Variants in CNBD1 observed in about 807,000 individuals in gnomAD.
CNBD1 encodes cyclic nucleotide-binding domain-containing protein 1.
Under a neutral mutation model 54.4 loss-of-function variants are expected in CNBD1, and 71 were observed. The ratio of observed to expected loss-of-function variants is 1.30; its 90% CI spans 1.08 to 1.59. The LOEUF (loss-of-function observed/expected upper bound fraction) is 1.59. CNBD1 is among the 40% of genes most tolerant of loss of function. The probability of loss-of-function intolerance (pLI) is 0.00; values close to 1 mark genes in which losing one functional copy is unlikely to be tolerated. For missense variants in CNBD1, 659 were observed against 518.0 expected, an observed-to-expected ratio of 1.27 and a Z score of -2.64; for synonymous variants, 182 against 170.7, an observed-to-expected ratio of 1.07 and a Z score of -0.51.
At chr8:86,889,664 A>G (rs1250502082) in intron 2 of CNBD1, among the ~76,000 whole-genome samples, 2 of 152,106 alleles carry the variant, frequency 1.3e-5, no homozygotes, top group Non-Finnish European at 2.9e-5. Context: ...TAAAAAATTA[A>G]TAACAAAGGG....
At chr8:86,982,084 A>G (rs190839758) in intron 4 of CNBD1, among the ~76,000 whole-genome samples, 146 of 152,318 alleles carry the variant, frequency 9.6e-4, no homozygotes, top group Admixed American at 3.4e-3. Flanking sequence ...TTGCCAGTCC[A>G]TTAAATTTTA....
Position 87,130,151 on chromosome 8 carries a change from G to C in CNBD1, c.432-75842G>C, listed in dbSNP as rs549894138. ...ACATGGGAATTCAAGATGAGATTTG[G>C]TGGGGACACAGCCAAACCATATCAG... On this transcript the variant is annotated intron_variant, in intron 4 of 10. Transcript: ENST00000518476. Among the ~76,000 whole-genome samples the C allele has an allele frequency of 2.8e-3, 420 of 152,188 alleles. 1 individual carries two copies. Among genetic ancestry groups the C allele is most frequent in the African/African-American group, 9.8e-3 (406 of 41,526 alleles).
intron 6 of CNBD1, among the ~76,000 whole-genome samples, chr8:87,268,426 TC>T (rs1051620382): frequency 2.6e-5 from 4 of 152,100 alleles, no homozygotes; most frequent in Non-Finnish European, 5.9e-5. Context: ...AGTACATGTG[TC>T]TTTTTGGTAG....
chr8:86,963,067 C>G (rs923196844), intron 4 of CNBD1, among the ~76,000 whole-genome samples: 1 of 152,162 alleles, frequency 6.6e-6, no homozygotes, highest in Non-Finnish European at 1.5e-5. Flanking sequence ...TTGTTCCTCT[C>G]TCTTCCTAGC....
chr8:87,280,534 G>A (rs28628615), intron 6 of CNBD1, among the ~76,000 whole-genome samples: 5,371 of 151,538 alleles, frequency 0.035, 134 homozygotes, highest in Middle Eastern at 0.065. Flanking sequence ...GTTGTGCAAA[G>A]TTTAGAGCAA....
At chr8:87,160,669 T>C (rs1019246477) in intron 4 of CNBD1, among the ~76,000 whole-genome samples, 1 of 152,122 alleles carries the variant, frequency 6.6e-6, no homozygotes, top group African/African-American at 2.4e-5. Context: ...TAAAAATCTG[T>C]AATCCTATCT....
At chr8:87,220,859 A>C (rs1336358222) in intron 5 of CNBD1, among the ~76,000 whole-genome samples, 1 of 98,424 alleles carries the variant, frequency 1.0e-5, no homozygotes, top group Admixed American at 1.1e-4. Flanking sequence ...GGTATATTTT[A>C]ATATCTCGAT....
intron 4 of CNBD1, among the ~76,000 whole-genome samples, chr8:87,111,317 A>G (rs1234312341): frequency 6.6e-6 from 1 of 152,214 alleles, no homozygotes; most frequent in Non-Finnish European, 1.5e-5. Flanking sequence ...GAAAATTTTA[A>G]AAAACTTAGA....
At chr8:86,935,376 A>G (rs544753201) in intron 3 of CNBD1, among the ~76,000 whole-genome samples, 2 of 152,178 alleles carry the variant, frequency 1.3e-5, no homozygotes, top group South Asian at 2.1e-4. Flanking sequence ...CACCAATAGG[A>G]CCATTTTGAC....
At chr8:87,118,368 C>T (rs1490623045) in intron 4 of CNBD1, among the ~76,000 whole-genome samples, 4 of 150,362 alleles carry the variant, frequency 2.7e-5, no homozygotes, top group South Asian at 2.1e-4. Context: ...ATGAGAATAC[C>T]GCTGGTATTG....
chr8:86,887,397 G>T, intron 1 of CNBD1, 145 bp from the exon 2 acceptor site: 1 of 563,724 alleles, frequency 1.8e-6, no homozygotes, highest in South Asian at 2.8e-5. Flanking sequence ...TTCTACTTGT[G>T]TATTAAACAA....
intron 8 of CNBD1, among the ~76,000 whole-genome samples, chr8:87,304,212 A>G (rs1406911912): frequency 1.3e-5 from 2 of 151,892 alleles, no homozygotes; most frequent in African/African-American, 2.4e-5. Context: ...CACTATTCAC[A>G]ATAGCAAAGA....
chr8:87,137,357 A>G (rs1792769701), intron 4 of CNBD1, among the ~76,000 whole-genome samples: 1 of 150,540 alleles, frequency 6.6e-6, no homozygotes, highest in Admixed American at 6.7e-5. Flanking sequence ...CCACCATGCC[A>G]GGCTAATATT....
chr8:87,320,857 C>A (rs1809510878), intron 8 of CNBD1, among the ~76,000 whole-genome samples: 2 of 152,082 alleles, frequency 1.3e-5, no homozygotes, highest in Non-Finnish European at 2.9e-5. Flanking sequence ...CATTGCACAG[C>A]AATTTCCCAT....
At chr8:87,143,453 T>G (rs542741417) in intron 4 of CNBD1, among the ~76,000 whole-genome samples, 1 of 152,314 alleles carries the variant, frequency 6.6e-6, no homozygotes, top group South Asian at 2.1e-4. Context: ...TTATTAAACA[T>G]GCACAGATTT....
chr8:87,425,733 AG>A (rs1436501405), intron 2 of CNBD1, among the ~76,000 whole-genome samples: 4 of 152,096 alleles, frequency 2.6e-5, no homozygotes, highest in Admixed American at 2.6e-4. Context: ...GCTGTCAGAC[AG>A]GGACATTTAA....
intron 4 of CNBD1, among the ~76,000 whole-genome samples, chr8:87,003,614 T>A (rs774820038): frequency 6.6e-6 from 1 of 152,162 alleles, no homozygotes; most frequent in Non-Finnish European, 1.5e-5. Flanking sequence ...AATCCCTTTA[T>A]TTTATTTTAT....
intron 4 of CNBD1, among the ~76,000 whole-genome samples, chr8:87,054,056 CAT>C (rs1487086374): frequency 6.6e-6 from 1 of 152,222 alleles, no homozygotes; most frequent in African/African-American, 2.4e-5. Context: ...CTGTCAAAGA[CAT>C]AGTTTCTCCA....
At chr8:87,179,314 G>A (rs954026437) in intron 4 of CNBD1, among the ~76,000 whole-genome samples, 4 of 152,132 alleles carry the variant, frequency 2.6e-5, no homozygotes, top group South Asian at 2.1e-4. Flanking sequence ...TATAGAATTC[G>A]CTTTAAAAAC....
Sources: gnomAD v4.1 joint callset for allele counts (sites outside exome capture counted in the v4.1 genomes callset) on GRCh38, gnomAD v4.1.1 for gene constraint, MANE v1.5 for transcripts, NCBI Gene and HGNC (gene_info 2026-07-23, HGNC 2026-07-21) for gene names.